The following ADAMTS15 variants were observed in gnomAD, a reference collection of about 807,000 sequenced individuals.
The protein encoded by ADAMTS15 is ADAM metallopeptidase with thrombospondin type 1 motif 15.
A neutral mutation model predicts 79.1 loss-of-function variants in ADAMTS15; 35 were observed. The observed-to-expected ratio is 0.44, with a 90% CI of 0.34 to 0.59. ADAMTS15 has a LOEUF of 0.59. ADAMTS15 is among the 20% of genes least tolerant of loss of function. The probability of loss-of-function intolerance (pLI) is 0.02; values close to 1 mark genes in which losing one functional copy is unlikely to be tolerated. For missense variants in ADAMTS15, 1,324 were observed against 1,318.7 expected (o/e 1.00, Z -0.06); for synonymous variants, 616 against 567.3 (o/e 1.09, Z -1.22).
At chr11:130,450,324 C>T (rs1937938476) in intron 1 of ADAMTS15, 3 of 985,474 alleles carry the variant, frequency 3.0e-6, no homozygotes, top group Non-Finnish European at 3.6e-6. Context: ...ATTGTATGGG[C>T]GGCTGAGTCT....
chr11:130,458,787 G>A (rs928262911), intron 1 of ADAMTS15, among the ~76,000 whole-genome samples: 1 of 152,158 alleles, frequency 6.6e-6, no homozygotes, highest in Admixed American at 6.5e-5. Context: ...CAGCCCAGAG[G>A]CAAGGGTAGG....
chr11:130,450,065 C>T, intron 1 of ADAMTS15, 135 bp downstream of exon 1: 1 of 1,473,196 alleles, frequency 6.8e-7, no homozygotes, highest in Non-Finnish European at 9.0e-7. Context: ...GACTCCAACT[C>T]TGTGGAGTTT....
chr11:130,449,682 G>A lies in ADAMTS15; in HGVS notation c.709G>A (p.Asp237Asn), dbSNP rs768642633. Residue 237 changes from aspartate (D) to asparagine (N), a missense_variant, in exon 1 of 8, where the codon GAC becomes AAC. Transcript: ENST00000299164. This position sits in a 1 kb window ranked among gnomAD's most constrained non-coding sequence, Gnocchi z 7.8. ...GTCAATGGTCAAGTTCCACGGCGCG[G>A]ACCTGGAACATTATCTGCTGACGCT... ...DESMVKFHGA[D>N]LEHYLLTLLA... 1 of 1,604,678 alleles carries A rather than the reference G, an allele frequency of 6.2e-7. No homozygotes were observed. Among genetic ancestry groups the A allele is most frequent in the Non-Finnish European group, 8.5e-7 (1 of 1,175,736 alleles).
At chr11:130,463,951 T>C (rs1289376124) in intron 4 of ADAMTS15, among the ~76,000 whole-genome samples, 1 of 151,860 alleles carries the variant, frequency 6.6e-6, no homozygotes, top group Non-Finnish European at 1.5e-5. Flanking sequence ...CTGAGAAAAC[T>C]TGGAGGAGGT....
In ADAMTS15 at chr11:130,474,042, C is replaced by A; in HGVS notation, c.*221C>A. On this transcript the variant is annotated 3_prime_UTR_variant, in exon 8 of 8. Coordinates refer to ENST00000299164, the MANE Select transcript of ADAMTS15 (RefSeq NM_139055.4). Reference sequence around the variant, plus strand: ...CCCGCACAGTCTACCTCAGGCCCCGCTCCTCGGGCCGGTTGCGGGGAGAGG... The same window carrying A: ...CCCGCACAGTCTACCTCAGGCCCCGATCCTCGGGCCGGTTGCGGGGAGAGG... 1 of 585,956 alleles carries A rather than the reference C, an allele frequency of 1.7e-6. No homozygotes were observed. Among genetic ancestry groups the A allele is most frequent in the Non-Finnish European group, 2.8e-6 (1 of 358,490 alleles). The allele number at this position is 585,956 out of a possible 1,614,324, so 36.3% of individuals were successfully genotyped here.
At chr11:130,454,031 T>A (rs1565391450) in intron 1 of ADAMTS15, among the ~76,000 whole-genome samples, 2 of 152,232 alleles carry the variant, frequency 1.3e-5, no homozygotes, top group African/African-American at 2.4e-5. Flanking sequence ...TTGCCCAGGC[T>A]GGTCTCAAAC....
intron 4 of ADAMTS15, among the ~76,000 whole-genome samples, chr11:130,468,985 C>G (rs1186244395): frequency 1.4e-5 from 2 of 143,878 alleles, no homozygotes; most frequent in African/African-American, 5.4e-5. Flanking sequence ...CATCTCACAT[C>G]TGTCTCACTC....
intron 1 of ADAMTS15, among the ~76,000 whole-genome samples, chr11:130,457,644 A>G (rs1479523075): frequency 6.6e-6 from 1 of 152,124 alleles, no homozygotes. Context: ...ACCTTCTGGG[A>G]GGAAGAAGGC....
Position 130,473,213 on chromosome 11 carries a change from G to C in ADAMTS15, c.2245G>C (p.Asp749His). 6.2e-7 allele frequency: 1 copy of C among 1,613,946 alleles called. No homozygotes were observed. The highest frequency in any genetic ancestry group is 8.5e-7 in the Non-Finnish European group (1 of 1,180,034). Residue 749 changes from aspartate (D) to histidine (H), a missense_variant, in exon 8 of 8, where the codon GAC becomes CAC. By Grantham distance (81) the Asp-to-His change is moderately conservative. Coordinates refer to ENST00000299164, the MANE Select transcript of ADAMTS15 (RefSeq NM_139055.4). ...TTTCGTGGTGTCGGCGGTGGAGCGG[G>C]ACCTGGTGGTGAAGGGCAGTCTGCT... ...GHFVVSAVER[D>H]LVVKGSLLRY... is the part of the protein sequence containing the mutation.
chr11:130,461,689 T>G, intron 2 of ADAMTS15, 68 bp downstream of exon 2: 1 of 1,595,452 alleles, frequency 6.3e-7, no homozygotes, highest in Non-Finnish European at 8.5e-7. Context: ...GTGGGAGACG[T>G]GTGTCTTTGC....
intron 1 of ADAMTS15, among the ~76,000 whole-genome samples, chr11:130,454,979 A>G (rs1412272738): frequency 6.6e-6 from 1 of 151,186 alleles, no homozygotes; most frequent in Non-Finnish European, 1.5e-5. Flanking sequence ...TTTCCTTGAC[A>G]CCTTGACTCG....
chr11:130,454,804 G>C (rs376728123), intron 1 of ADAMTS15, among the ~76,000 whole-genome samples: 2 of 152,150 alleles, frequency 1.3e-5, no homozygotes, highest in East Asian at 3.9e-4. Context: ...TCAGCAGATG[G>C]GGGAGGAAGG....
intron 1 of ADAMTS15, among the ~76,000 whole-genome samples, chr11:130,454,994 C>CGTGGCATGATGGAAAGAACACAGGCTT (rs1430479514): frequency 1.3e-5 from 2 of 151,998 alleles, no homozygotes; most frequent in African/African-American, 4.8e-5. Flanking sequence ...GACTCGATCA[C>CGTGGCATGATGGAAAGAACACAGGCTT]GTGGCATGAT....
In ADAMTS15 at chr11:130,458,166, C is replaced by G. The variant is rs926256931; in HGVS notation, c.958-3323C>G. 2.0e-5 allele frequency among the ~76,000 whole-genome samples: 3 copies of G among 152,162 alleles called. No homozygotes were observed. In the South Asian group the frequency reaches 6.2e-4, roughly 32 times the overall value. Reference sequence around the variant, plus strand: ...GGCTGCGGGGTGGCTGAGTTCCAGACGCCCTCTAGATCCCAGTCTGAGCAT... The same window carrying G: ...GGCTGCGGGGTGGCTGAGTTCCAGAGGCCCTCTAGATCCCAGTCTGAGCAT... On this transcript the variant is annotated intron_variant, in intron 1 of 7. Transcript: ENST00000299164.
chr11:130,470,209 T>TATATATATAC (rs1491377478), intron 5 of ADAMTS15, among the ~76,000 whole-genome samples: 1 of 60,104 alleles, frequency 1.7e-5, no homozygotes, highest in Non-Finnish European at 3.2e-5. Context: ...TATATATATA[T>TATATATATAC]GTATATATAT....
chr11:130,469,306 G>A lies in ADAMTS15; in HGVS notation c.1587G>A (p.Ser529=), dbSNP rs369902413. Residue 529 remains serine, a synonymous_variant, in exon 5 of 8, where the codon TCG becomes TCA. Coordinates refer to ENST00000299164, the MANE Select transcript of ADAMTS15 (RefSeq NM_139055.4). The part of the protein sequence containing the change: ...WAKWDPYGPC[S]RTCGGGVQLA... ...AATGGGATCCCTATGGCCCCTGCTC[G>A]CGCACATGTGGTGGGGGCGTGCAGC... is the stretch of plus-strand genomic sequence containing the variant. 5.6e-5 allele frequency: 78 copies of A among 1,401,096 alleles called. No homozygotes were observed. In the Middle Eastern group the frequency reaches 6.0e-4, roughly 11 times the overall value. 86.8% of individuals were successfully genotyped at this position (1,401,096 alleles called of 1,614,324 possible).
intron 1 of ADAMTS15, among the ~76,000 whole-genome samples, chr11:130,459,386 G>C (rs1013592412): frequency 6.6e-6 from 1 of 152,070 alleles, no homozygotes; most frequent in Non-Finnish European, 1.5e-5. Flanking sequence ...GGTTGGTCTT[G>C]AACTCCTAGA....
chr11:130,450,880 G>A (rs546405456), intron 1 of ADAMTS15, among the ~76,000 whole-genome samples: 2 of 152,324 alleles, frequency 1.3e-5, no homozygotes, highest in African/African-American at 4.8e-5. Flanking sequence ...GCTTAGTCAA[G>A]AGTATTTGGA....
In ADAMTS15 at chr11:130,472,680, C is replaced by CCCTCCTCCTCCT. The variant is rs558950716; in HGVS notation, c.2079-350_2079-339dup. Among the ~76,000 whole-genome samples the CCCTCCTCCTCCT allele has an allele frequency of 1.0e-4, 15 of 144,450 alleles. No individual in the cohort carries two copies. The highest frequency in any genetic ancestry group is 4.1e-4 in the African/African-American group (15 of 36,800). 94.8% of individuals were successfully genotyped at this position (144,450 alleles called of 152,430 possible). ...GGTGGACTTACTCCTCCCGCCCCAC[C>CCCTCCTCCTCCT]CCTCCTCCTCCTCCTCCTCCTCCTC... On this transcript the variant is annotated intron_variant, in intron 7 of 7. Transcript: ENST00000299164. The surrounding 1 kb of genome is among the most constrained non-coding windows in gnomAD (Gnocchi z 4.7).
Sources: gnomAD v4.1 joint callset for allele counts (sites outside exome capture counted in the v4.1 genomes callset) on GRCh38, gnomAD v4.1.1 for gene constraint, Gnocchi (gnomAD v3.1) non-coding constraint, MANE v1.5 for transcripts, NCBI Gene and HGNC (gene_info 2026-07-23, HGNC 2026-07-21) for gene names.